TMEM235: variants seen among roughly 807,000 people sequenced by gnomAD.
The protein encoded by TMEM235 is claudin-27.
TMEM235 carries 23 observed loss-of-function variants against 22.9 expected under a neutral mutation model. That is an observed-to-expected ratio of 1.00 (90% CI 0.72 to 1.42). TMEM235 has a LOEUF of 1.42. TMEM235 is among the 40% of genes most tolerant of loss of function. TMEM235 has a pLI of 0.00. For synonymous variants in TMEM235, 137 were observed against 140.5 expected, an observed-to-expected ratio of 0.98 and a Z score of 0.17; for missense variants, 308 against 299.5, an observed-to-expected ratio of 1.03 and a Z score of -0.21.
At chr17:78,234,022 G>A (rs1215922846) in intron 3 of TMEM235, 47 bp downstream of exon 2, 2 of 1,458,100 alleles carry the variant, frequency 1.4e-6, no homozygotes, top group Admixed American at 2.2e-5. Flanking sequence ...AAATATTCAG[G>A]CAAGGCAGAT....
Position 78,231,592 on chromosome 17 carries a change from C to T in TMEM235, c.-432C>T, listed in dbSNP as rs926366065. ...GTCCTGCTGCCTGGCCGGCCATCCT[C>T]CTGGGGTCGGTCTCTGGCCGATCCT... is the stretch of plus-strand genomic sequence containing the variant. On this transcript the variant is annotated 5_prime_UTR_variant, in exon 2 of 6. Transcript: ENST00000421688. 5 of 1,303,712 alleles carry T rather than the reference C, an allele frequency of 3.8e-6. No homozygotes were observed. The African/African-American group carries it at 7.6e-5, about 20-fold the overall frequency. The allele number at this position is 1,303,712 out of a possible 1,614,324, so 80.8% of individuals were successfully genotyped here. A position where few individuals can be genotyped will look rare whatever the true frequency, so the allele number is the denominator to read the frequency against.
rs543460242 is a variant in TMEM235, at chr17:78,234,309, T to A, written c.272-284T>A. Reference sequence around the variant, plus strand: ...CCATTTAGGACTCGATTCTTCCAGATGGCCTGCTGTCTACCTGGCTGGCAC... The same window carrying A: ...CCATTTAGGACTCGATTCTTCCAGAAGGCCTGCTGTCTACCTGGCTGGCAC... On this transcript the variant is annotated intron_variant, in intron 3 of 5. Coordinates refer to ENST00000421688, the Ensembl canonical transcript of TMEM235. 2.2e-5 allele frequency: 15 copies of A among 691,170 alleles called. 1 individual carries two copies. In the Admixed American group the frequency reaches 3.0e-4, roughly 14 times the overall value. 42.8% of individuals were successfully genotyped at this position (691,170 alleles called of 1,614,324 possible).
exon 6 of TMEM235, chr17:78,240,068 C>G: frequency 6.9e-7 from 1 of 1,448,410 alleles, no homozygotes; most frequent in East Asian, 2.7e-5. Flanking sequence ...GCACCCAGAT[C>G]TCTGTCCTTG....
At chr17:78,234,346 C>T (rs780300137) in intron 3 of TMEM235, 16 of 709,066 alleles carry the variant, frequency 2.3e-5, no homozygotes, top group South Asian at 3.0e-5. Flanking sequence ...TTCCACCTGG[C>T]GGGTTGGGGG....
In TMEM235 at chr17:78,237,680, G is replaced by A. The variant is rs1295668812; in HGVS notation, c.410-1344G>A. ...CAGAGACAGGCACCTCCTGCCGCAC[G>A]GTCAGCCCCCGCTGCTGGGGGCTGA... On this transcript the variant is annotated intron_variant, in intron 4 of 5. Transcript: ENST00000421688. The surrounding 1 kb of genome is among the most constrained non-coding windows in gnomAD (Gnocchi z 4.7). Among the ~76,000 whole-genome samples, 3 of 151,948 alleles carry A rather than the reference G, an allele frequency of 2.0e-5. No homozygotes were observed. Among genetic ancestry groups the A allele is most frequent in the African/African-American group, 7.3e-5 (3 of 41,358 alleles).
At chr17:78,232,077 C>T in exon 2 of TMEM235, 1 of 1,459,560 alleles carries the variant, frequency 6.9e-7, no homozygotes, top group South Asian at 1.3e-5. Context: ...CACTGCTCAG[C>T]TTCGCGCTCC....
In TMEM235 at chr17:78,233,115, A is replaced by G. The variant is rs542824682; in HGVS notation, c.191-780A>G. On this transcript the variant is annotated intron_variant, in intron 2 of 5. Transcript: ENST00000421688. Reference sequence around the variant, plus strand: ...CCAACAGACTGCCTAACTGTGCTCCAAAGACCTCCTGACATGCACCTGTGT... The same window carrying G: ...CCAACAGACTGCCTAACTGTGCTCCGAAGACCTCCTGACATGCACCTGTGT... 2.2e-4 allele frequency among the ~76,000 whole-genome samples: 34 copies of G among 152,348 alleles called. No individual in the cohort carries two copies. In the South Asian group the frequency reaches 6.8e-3, roughly 31 times the overall value.
Position 78,239,125 on chromosome 17 carries a change from C to T in TMEM235, c.511C>T (p.Arg171Cys), listed in dbSNP as rs750225684. The T allele has an allele frequency of 2.7e-5, 42 of 1,543,410 alleles. No individual in the cohort carries two copies. The South Asian group carries it at 2.7e-4, about 10-fold the overall frequency. Residue 171 changes from arginine to cysteine, a missense_variant, in exon 5 of 6, where the codon CGC (arginine) becomes TGC (cysteine). Around this residue, in one of 2 missense-constraint regions of TMEM235, gnomAD observed 285 missense variants for 256.2 expected, o/e 1.11. Transcript: ENST00000421688. ...TGGCCCGCAGCACATGCAGGGCGTC[C>T]GCGTCAGCTTCGGCTGGTCCATGGC...
At chr17:78,239,171 C>T in exon 5 of TMEM235, 1 of 1,542,982 alleles carries the variant, frequency 6.5e-7, no homozygotes, top group Non-Finnish European at 8.7e-7. Flanking sequence ...GGCTCCTGTG[C>T]CTTGGAGGCA....
At chr17:78,239,313 T>A in intron 5 of TMEM235, 40 bp downstream of exon 4, 1 of 1,520,282 alleles carries the variant, frequency 6.6e-7, no homozygotes, top group Non-Finnish European at 8.8e-7. Context: ...CTCCCGGGAT[T>A]GGGCGGTCAG....
At position 78,237,541 on chromosome 17, in the gene TMEM235, C is replaced by T. The variant is rs2076657548; in HGVS notation, c.410-1483C>T. Among the ~76,000 whole-genome samples, 2 of 152,082 alleles carry T rather than the reference C, an allele frequency of 1.3e-5. No individual in the cohort carries two copies. Among genetic ancestry groups the T allele is most frequent in the South Asian group, 2.1e-4 (1 of 4,836 alleles). On this transcript the variant is annotated intron_variant, in intron 4 of 5. Coordinates refer to ENST00000421688, the Ensembl canonical transcript of TMEM235. This position sits in a 1 kb window ranked among gnomAD's most constrained non-coding sequence, Gnocchi z 4.7. Reference sequence around the variant, plus strand: ...CATTTTGGGAGAAAGGCCGTGTCCTCGGCCAGGCTACAGGAGGCAGCTGGT... The same window carrying T: ...CATTTTGGGAGAAAGGCCGTGTCCTTGGCCAGGCTACAGGAGGCAGCTGGT...
chr17:78,235,392 A>G (rs935554709), intron 4 of TMEM235, among the ~76,000 whole-genome samples: 45 of 151,980 alleles, frequency 3.0e-4, no homozygotes, highest in African/African-American at 1.0e-3. Context: ...GGTTCGAGCA[A>G]TTCTCCTGCC....
At chr17:78,233,935 T>C in exon 3 of TMEM235, 1 of 1,535,470 alleles carries the variant, frequency 6.5e-7, no homozygotes, top group Non-Finnish European at 8.7e-7. Flanking sequence ...CTTTTGCCAG[T>C]GAGAGCCTGG....
chr17:78,236,653 C>T (rs1209646313), intron 4 of TMEM235, among the ~76,000 whole-genome samples: 1 of 152,224 alleles, frequency 6.6e-6, no homozygotes, highest in Non-Finnish European at 1.5e-5. Flanking sequence ...AGTCTGTCCT[C>T]AGCCGCCCCT....
intron 4 of TMEM235, among the ~76,000 whole-genome samples, chr17:78,235,601 T>TTTG (rs1180014408): frequency 2.1e-5 from 3 of 141,158 alleles, no homozygotes; most frequent in Non-Finnish European, 4.6e-5. Context: ...GCTACATAGT[T>TTTG]TTTTTTTTTT....
intron 4 of TMEM235, among the ~76,000 whole-genome samples, chr17:78,235,604 T>G (rs1267768038): frequency 6.8e-6 from 1 of 147,058 alleles, no homozygotes; most frequent in Admixed American, 6.7e-5. Context: ...ACATAGTTTT[T>G]TTTTTTTTTT....
In TMEM235 at chr17:78,237,407, A is replaced by C. The variant is rs1393534338; in HGVS notation, c.410-1617A>C. Among the ~76,000 whole-genome samples, 2 of 152,142 alleles carry C rather than the reference A, an allele frequency of 1.3e-5. No individual in the cohort carries two copies. The highest frequency in any genetic ancestry group is 4.8e-5 in the African/African-American group (2 of 41,446). On this transcript the variant is annotated intron_variant, in intron 4 of 5. Transcript: ENST00000421688. This position sits in a 1 kb window ranked among gnomAD's most constrained non-coding sequence, Gnocchi z 4.7. Reference sequence around the variant, plus strand: ...TTCCCAGCTTGAGGTTGCAGGTGCCAGCCGCAGAGGCCTCCTTTAGGAGGT... The same window carrying C: ...TTCCCAGCTTGAGGTTGCAGGTGCCCGCCGCAGAGGCCTCCTTTAGGAGGT...
At position 78,237,310 on chromosome 17, in the gene TMEM235, C is replaced by T. The variant is rs569764633; in HGVS notation, c.410-1714C>T. On this transcript the variant is annotated intron_variant, in intron 4 of 5. Transcript: ENST00000421688. This position sits in a 1 kb window ranked among gnomAD's most constrained non-coding sequence, Gnocchi z 4.7. ...TAGAGGGCCCCAGATCGATTGGGTG[C>T]CCTTCCCTGAGACAGGATCTTGGGG... 9.3e-4 allele frequency among the ~76,000 whole-genome samples: 141 copies of T among 152,222 alleles called. No homozygotes were observed. Among genetic ancestry groups the T allele is most frequent in the Non-Finnish European group, 1.2e-3 (84 of 68,002 alleles).
At chr17:78,239,248 C>G (rs1181369500) in exon 5 of TMEM235, 5 of 1,542,080 alleles carry the variant, frequency 3.2e-6, no homozygotes, top group Middle Eastern at 3.4e-4. Flanking sequence ...CTGTGGTCAT[C>G]TGAGTCCCCA....
Sources: allele counts gnomAD v4.1 joint callset (sites outside exome capture counted in the v4.1 genomes callset), GRCh38; gene constraint gnomAD v4.1.1; regional missense constraint gnomAD v4.1.1; non-coding constraint Gnocchi (gnomAD v3.1); transcripts MANE v1.5; gene names NCBI Gene and HGNC (gene_info 2026-07-23, HGNC 2026-07-21).